The following RP1 variants were observed in gnomAD, a reference collection of about 807,000 sequenced individuals.
RP1 encodes the protein oxygen-regulated protein 1.
RP1 carries 16 observed loss-of-function variants against 14.8 expected under a neutral mutation model. That is an observed-to-expected ratio of 1.08 (90% CI 0.73 to 1.65). The LOEUF is 1.65. Among genes scored for constraint, RP1 ranks in the 40% most tolerant of loss-of-function variants. The pLI is 0.00. For synonymous variants in RP1, 876 were observed against 883.6 expected, an observed-to-expected ratio of 0.99 and a Z score of 0.15; for missense variants, 2,631 against 2,535.0, an observed-to-expected ratio of 1.04 and a Z score of -0.81.
intron 12 of RP1, chr8:54,697,272 T>C (rs1166041655): frequency 3.5e-6 from 2 of 573,786 alleles, no homozygotes; most frequent in African/African-American, 3.8e-5. Flanking sequence ...AGACAGTACC[T>C]GGCCGGGCGT....
intron 24 of RP1, among the ~76,000 whole-genome samples, chr8:54,785,087 A>G (rs1810286791): frequency 6.6e-6 from 1 of 152,104 alleles, no homozygotes; most frequent in African/African-American, 2.4e-5. Context: ...CTGTGAATGT[A>G]CTAAACAATC....
chr8:54,636,407 A>G (rs192370548), intron 3 of RP1, among the ~76,000 whole-genome samples: 42 of 152,302 alleles, frequency 2.8e-4, no homozygotes, highest in African/African-American at 9.9e-4. Flanking sequence ...TCTCAAGAAA[A>G]ACCTCAAGAC....
At chr8:54,750,818 G>T (rs186940864) in intron 19 of RP1, among the ~76,000 whole-genome samples, 44 of 152,308 alleles carry the variant, frequency 2.9e-4, no homozygotes, top group African/African-American at 9.9e-4. Flanking sequence ...CCAATCAGTG[G>T]TCTGTAAAAC....
At chr8:54,718,604 C>T (rs1407680522) in intron 15 of RP1, among the ~76,000 whole-genome samples, 1 of 152,176 alleles carries the variant, frequency 6.6e-6, no homozygotes, top group Non-Finnish European at 1.5e-5. Context: ...TGGAAACAAC[C>T]AAGATGTCCT....
chr8:54,717,903 G>A (rs544787527), intron 15 of RP1, among the ~76,000 whole-genome samples: 15 of 152,048 alleles, frequency 9.9e-5, no homozygotes, highest in Non-Finnish European at 1.9e-4. Context: ...TGCAATGTAC[G>A]AGGCTAATAT....
At chr8:54,759,844 T>C (rs187203430) in intron 22 of RP1, among the ~76,000 whole-genome samples, 2 of 152,254 alleles carry the variant, frequency 1.3e-5, no homozygotes, top group Non-Finnish European at 2.9e-5. Flanking sequence ...ACCCAATCTG[T>C]TGTGGGCATG....
intron 16 of RP1, among the ~76,000 whole-genome samples, chr8:54,724,989 T>G (rs1254342839): frequency 6.6e-6 from 1 of 152,230 alleles, no homozygotes; most frequent in Non-Finnish European, 1.5e-5. Context: ...TTCTCCTCTG[T>G]GCTCCCTATG....
chr8:54,627,093 G>C lies in RP1; in HGVS notation c.3211G>C (p.Val1071Leu). The C allele has an allele frequency of 6.2e-7, 1 of 1,614,068 alleles. No homozygotes were observed. The highest frequency in any genetic ancestry group is 8.5e-7 in the Non-Finnish European group (1 of 1,179,984). ...GCAAAGTGTAGAGGCTGCCATTCAA[G>C]TAGATCCTATAGAAGAGGAAACTCC... ...KRQSVEAAIQ[V>L]DPIEEETPKD... is the part of the protein sequence containing the mutation. Residue 1071 changes from valine (V) to leucine (L), a missense_variant, in exon 4 of 4, where the codon GTA (valine) becomes CTA (leucine). Val to Leu is a conservative substitution (Grantham distance 32). Coordinates refer to ENST00000220676, the MANE Select transcript of RP1 (RefSeq NM_006269.2).
intron 3 of RP1, among the ~76,000 whole-genome samples, chr8:54,623,114 T>A (rs1057211087): frequency 6.6e-6 from 1 of 152,236 alleles, no homozygotes; most frequent in African/African-American, 2.4e-5. Context: ...AATCCATTGT[T>A]GTTTAATGAT....
chr8:54,712,866 C>T (rs1808322899), intron 15 of RP1, among the ~76,000 whole-genome samples: 1 of 152,104 alleles, frequency 6.6e-6, no homozygotes, highest in Non-Finnish European at 1.5e-5. Flanking sequence ...GACTAAGAAC[C>T]ACTAGACTGG....
intron 8 of RP1, among the ~76,000 whole-genome samples, chr8:54,674,695 G>A (rs949205624): frequency 6.6e-6 from 1 of 151,386 alleles, no homozygotes; most frequent in African/African-American, 2.4e-5. Flanking sequence ...TTGAAAGGAG[G>A]TTACAAGAAA....
chr8:54,741,705 GTGTATATA>G (rs1404724693), intron 19 of RP1, among the ~76,000 whole-genome samples: 98 of 75,896 alleles, frequency 1.3e-3, no homozygotes, highest in African/African-American at 5.5e-3. Flanking sequence ...ACAAATGTGT[GTGTATATA>G]TATATATATA....
At chr8:54,736,034 C>T (rs968042939) in intron 18 of RP1, among the ~76,000 whole-genome samples, 1 of 152,100 alleles carries the variant, frequency 6.6e-6, no homozygotes, top group African/African-American at 2.4e-5. Context: ...GCCTGAGGTA[C>T]AGTCTGGGTA....
At chr8:54,814,685 T>C (rs1363104627) in intron 24 of RP1, among the ~76,000 whole-genome samples, 3 of 152,256 alleles carry the variant, frequency 2.0e-5, no homozygotes, top group African/African-American at 7.2e-5. Flanking sequence ...TCGTTTACTC[T>C]GTTAAGTTGA....
intron 16 of RP1, among the ~76,000 whole-genome samples, chr8:54,724,729 T>TA (rs1387318399): frequency 6.6e-6 from 1 of 152,216 alleles, no homozygotes; most frequent in African/African-American, 2.4e-5. Context: ...AAGCCTTCTC[T>TA]ACAGAGCGAT....
At chr8:54,756,622 G>A (rs889703775) in intron 21 of RP1, among the ~76,000 whole-genome samples, 1 of 152,150 alleles carries the variant, frequency 6.6e-6, no homozygotes. Context: ...TTAATTTTAA[G>A]CAGAAACAAA....
intron 24 of RP1, among the ~76,000 whole-genome samples, chr8:54,831,348 T>G (rs1245180864): frequency 3.3e-5 from 5 of 151,582 alleles, no homozygotes; most frequent in Non-Finnish European, 7.4e-5. Context: ...TATCTCAATC[T>G]TGTATTAATT....
chr8:54,715,599 T>C (rs1808384400), intron 15 of RP1, among the ~76,000 whole-genome samples: 1 of 152,342 alleles, frequency 6.6e-6, no homozygotes, highest in Admixed American at 6.5e-5. Context: ...CAGGTGTTTC[T>C]GCGAAGGCTC....
At chr8:54,608,952 G>T (rs1318936732) in intron 1 of RP1, among the ~76,000 whole-genome samples, 8 of 152,184 alleles carry the variant, frequency 5.3e-5, no homozygotes, top group Admixed American at 5.2e-4. Flanking sequence ...AGCCTCTTTG[G>T]TTCCGGAGGA....
Sources: allele counts gnomAD v4.1 joint callset (sites outside exome capture counted in the v4.1 genomes callset), GRCh38; gene constraint gnomAD v4.1.1; transcripts MANE v1.5; gene names NCBI Gene and HGNC (gene_info 2026-07-23, HGNC 2026-07-21).